Variants in PGM2L1 observed in about 807,000 individuals in gnomAD.
PGM2L1 encodes the protein glucose 1,6-bisphosphate synthase.
A neutral mutation model predicts 73.4 loss-of-function variants in PGM2L1; 35 were observed. The ratio of observed to expected loss-of-function variants is 0.48; its 90% CI spans 0.36 to 0.63. The LOEUF (loss-of-function observed/expected upper bound fraction) is 0.63, where lower values mean the gene tolerates loss of function less well. Among genes scored for constraint, PGM2L1 ranks in the 30% least tolerant of loss-of-function variants. The pLI, the probability that PGM2L1 is intolerant of heterozygous loss-of-function variation, is 0.00. For synonymous variants in PGM2L1, 225 were observed against 253.8 expected, an observed-to-expected ratio of 0.89 and a Z score of 1.08; for missense variants, 570 against 742.0, an observed-to-expected ratio of 0.77 and a Z score of 2.69.
At chr11:74,391,602 GAAT>G (rs1396330923) in intron 1 of PGM2L1, among the ~76,000 whole-genome samples, 1 of 151,976 alleles carries the variant, frequency 6.6e-6, no homozygotes, top group Non-Finnish European at 1.5e-5. Flanking sequence ...TTATTTGATG[GAAT>G]AATTGTCTTA....
intron 5 of PGM2L1, among the ~76,000 whole-genome samples, chr11:74,364,144 G>T (rs575879988): frequency 3.9e-5 from 6 of 152,178 alleles, no homozygotes; most frequent in South Asian, 4.2e-4. Context: ...TGCAGAAAAG[G>T]CCTTTGACAA....
At chr11:74,366,722 G>C (rs1033736223) in intron 5 of PGM2L1, among the ~76,000 whole-genome samples, 1 of 152,092 alleles carries the variant, frequency 6.6e-6, no homozygotes, top group African/African-American at 2.4e-5. Flanking sequence ...GAACAGAAGG[G>C]AGCAGTGGTA....
chr11:74,340,560 A>G (rs1862167672), intron 12 of PGM2L1, among the ~76,000 whole-genome samples: 1 of 152,226 alleles, frequency 6.6e-6, no homozygotes, highest in African/African-American at 2.4e-5. Flanking sequence ...TCTTGAGACC[A>G]CATCAGAACA....
At chr11:74,385,418 T>C (rs1863004340) in intron 1 of PGM2L1, among the ~76,000 whole-genome samples, 1 of 152,198 alleles carries the variant, frequency 6.6e-6, no homozygotes, top group East Asian at 1.9e-4. Flanking sequence ...TATCTTGTAG[T>C]TCTTGGACAA....
intron 5 of PGM2L1, among the ~76,000 whole-genome samples, chr11:74,363,211 A>G (rs543175367): frequency 1.1e-4 from 17 of 152,348 alleles, no homozygotes; most frequent in African/African-American, 3.6e-4. Context: ...GACACAACAT[A>G]CCAGAATCTC....
At chr11:74,355,486 G>A (rs11236066) in intron 5 of PGM2L1, 9,418 of 357,236 alleles carry the variant, frequency 0.026, 792 homozygotes, top group African/African-American at 0.18. Context: ...CCCGGGAGGC[G>A]GAGCTTGCAG....
Position 74,398,337 on chromosome 11 carries a change from G to A in PGM2L1, c.-176C>T. The stretch of plus-strand genomic sequence containing the variant: ...CGCGGCGTCAGGGAACCGGGAGAGA[G>A]GGGGTTTATGGCCGCCTGCTCCCCA... On this transcript the variant is annotated 5_prime_UTR_variant, in exon 1 of 14. Transcript: ENST00000298198. 8.0e-6 allele frequency: 8 copies of A among 997,812 alleles called. No individual in the cohort carries two copies. Among genetic ancestry groups the A allele is most frequent in the Non-Finnish European group, 1.1e-5 (8 of 737,490 alleles). 61.8% of individuals were successfully genotyped at this position (997,812 alleles called of 1,614,324 possible). A position where few individuals can be genotyped will look rare whatever the true frequency, so the allele number is the denominator to read the frequency against.
At chr11:74,368,927 C>G (rs962312663) in intron 4 of PGM2L1, among the ~76,000 whole-genome samples, 1 of 151,544 alleles carries the variant, frequency 6.6e-6, no homozygotes, top group Non-Finnish European at 1.5e-5. Context: ...TTCATTATTG[C>G]TCACTTTTAA....
At chr11:74,339,415 G>A (rs1394935291) in intron 12 of PGM2L1, among the ~76,000 whole-genome samples, 2 of 152,144 alleles carry the variant, frequency 1.3e-5, no homozygotes, top group African/African-American at 4.8e-5. Flanking sequence ...GTTGTACTAG[G>A]CCAGAGGGGT....
intron 5 of PGM2L1, among the ~76,000 whole-genome samples, chr11:74,363,767 G>A (rs1207319874): frequency 7.9e-5 from 12 of 152,250 alleles, no homozygotes; most frequent in Admixed American, 1.3e-4. Flanking sequence ...ATTCACAGCC[G>A]AATTCTATTG....
intron 6 of PGM2L1, among the ~76,000 whole-genome samples, chr11:74,349,035 G>T (rs1358953903): frequency 1.3e-5 from 2 of 152,132 alleles, no homozygotes; most frequent in African/African-American, 4.8e-5. Flanking sequence ...ATGGGTCTTA[G>T]CAGCCCTTGA....
intron 1 of PGM2L1, among the ~76,000 whole-genome samples, chr11:74,389,086 C>T (rs1863054114): frequency 6.6e-6 from 1 of 152,118 alleles, no homozygotes; most frequent in Non-Finnish European, 1.5e-5. Context: ...TTTAGATTAT[C>T]CAGGGATTAT....
intron 6 of PGM2L1, among the ~76,000 whole-genome samples, chr11:74,350,927 G>C (rs1337154346): frequency 6.6e-6 from 1 of 151,456 alleles, no homozygotes; most frequent in African/African-American, 2.4e-5. Flanking sequence ...GAAAGAGAGA[G>C]AGAGAGAGAG....
At chr11:74,343,502 G>A (rs986985930) in intron 9 of PGM2L1, 86 bp from the exon 10 acceptor site, 18 of 1,534,472 alleles carry the variant, frequency 1.2e-5, no homozygotes, top group African/African-American at 7.0e-5. Flanking sequence ...TGCACACAAC[G>A]TTCATATAAT....
intron 5 of PGM2L1, among the ~76,000 whole-genome samples, chr11:74,366,431 C>T (rs1862660010): frequency 6.8e-6 from 1 of 147,090 alleles, no homozygotes; most frequent in Admixed American, 6.9e-5. Flanking sequence ...GTACTCCAGC[C>T]TGGGCAACAG....
chr11:74,348,079 AT>A, intron 6 of PGM2L1, among the ~76,000 whole-genome samples: 1 of 151,924 alleles, frequency 6.6e-6, no homozygotes, highest in South Asian at 2.1e-4. Flanking sequence ...GACAACCCAT[AT>A]TTTTTCCTTC....
Position 74,374,441 on chromosome 11 carries a change from C to T in PGM2L1, c.253G>A (p.Asp85Asn). ...TGTGTTGACTGTATTACTGTAAGGT[C>T]ATTAATATAGCAAAACCCTGCCCCC... ...AMGAGFCYIN[D>N]LTVIQSTQGM... The change falls in exon 2 of 14, where the codon GAC becomes AAC. Residue 85 changes from aspartate to asparagine, a missense_variant. Coordinates refer to ENST00000298198, the MANE Select transcript of PGM2L1 (RefSeq NM_173582.6). 6.2e-7 allele frequency: 1 copy of T among 1,613,658 alleles called. No homozygotes were observed. Among genetic ancestry groups the T allele is most frequent in the Non-Finnish European group, 8.5e-7 (1 of 1,179,702 alleles).
chr11:74,362,550 C>T (rs1862581940), intron 5 of PGM2L1, among the ~76,000 whole-genome samples: 1 of 152,094 alleles, frequency 6.6e-6, no homozygotes. Context: ...ACAATATTAA[C>T]CTTAAATGTA....
At chr11:74,382,375 C>A (rs1862960047) in intron 1 of PGM2L1, among the ~76,000 whole-genome samples, 1 of 152,164 alleles carries the variant, frequency 6.6e-6, no homozygotes, top group African/African-American at 2.4e-5. Context: ...GGTTTCCTTG[C>A]AATGTTGGGT....
Sources: allele counts gnomAD v4.1 joint callset (sites outside exome capture counted in the v4.1 genomes callset), GRCh38; gene constraint gnomAD v4.1.1; transcripts MANE v1.5; gene names NCBI Gene and HGNC (gene_info 2026-07-23, HGNC 2026-07-21).